SEPTIN7: variants seen among roughly 807,000 people sequenced by gnomAD.
The protein encoded by SEPTIN7 is septin 7.
SEPTIN7 carries 10 observed loss-of-function variants against 63.3 expected under a neutral mutation model. The observed-to-expected ratio is 0.16, with a 90% CI of 0.10 to 0.27. The LOEUF is 0.27. SEPTIN7 is among the 10% of genes least tolerant of loss of function. The pLI is 1.00. For synonymous variants in SEPTIN7, 131 were observed against 165.3 expected, an observed-to-expected ratio of 0.79 and a Z score of 1.59; for missense variants, 310 against 521.0, an observed-to-expected ratio of 0.59 and a Z score of 3.94.
intron 1 of SEPTIN7, among the ~76,000 whole-genome samples, chr7:35,826,860 A>G (rs2115840150): frequency 6.6e-6 from 1 of 152,300 alleles, no homozygotes; most frequent in South Asian, 2.1e-4. Flanking sequence ...TTAGATAGCA[A>G]GATTTGGGTA....
downstream of SEPTIN7, among the ~76,000 whole-genome samples, chr7:35,909,387 A>T (rs1340448738): frequency 6.6e-6 from 1 of 152,164 alleles, no homozygotes; most frequent in African/African-American, 2.4e-5. Context: ...GGAAGATGGA[A>T]TGGAGGCCGC....
intron 4 of SEPTIN7, among the ~76,000 whole-genome samples, chr7:35,865,398 T>C (rs368547451): frequency 1.3e-5 from 2 of 152,320 alleles, no homozygotes; most frequent in Admixed American, 6.5e-5. Context: ...TACATACATA[T>C]ACTTTTTTAT....
chr7:35,808,784 A>G (rs1788517014), intron 1 of SEPTIN7, among the ~76,000 whole-genome samples: 1 of 152,224 alleles, frequency 6.6e-6, no homozygotes, highest in South Asian at 2.1e-4. Flanking sequence ...CATTAAGACC[A>G]TAGCATATGG....
intron 3 of SEPTIN7, among the ~76,000 whole-genome samples, chr7:35,857,968 A>G (rs1785291082): frequency 6.6e-6 from 1 of 151,920 alleles, no homozygotes. Flanking sequence ...TTTGGGACAG[A>G]GTCTTGCTCT....
chr7:35,901,820 C>CTA (rs1208015753), intron 12 of SEPTIN7: 1 of 152,010 alleles, frequency 6.6e-6, no homozygotes, highest in African/African-American at 2.4e-5. Flanking sequence ...AAAAAAATAA[C>CTA]TAGAGACATT....
intron 11 of SEPTIN7, among the ~76,000 whole-genome samples, chr7:35,891,165 G>T (rs764929740): frequency 6.6e-6 from 1 of 152,138 alleles, no homozygotes; most frequent in Non-Finnish European, 1.5e-5. Context: ...GCTTTGCCCT[G>T]TTGAGCTTAT....
chr7:35,874,215 C>T (rs1583601229), intron 6 of SEPTIN7: 1 of 156,694 alleles, frequency 6.4e-6, no homozygotes, highest in African/African-American at 2.4e-5. Flanking sequence ...TTTCTTGTGC[C>T]ATTTCTTTCT....
chr7:35,841,562 G>A (rs1784408853), intron 3 of SEPTIN7, among the ~76,000 whole-genome samples: 2 of 152,206 alleles, frequency 1.3e-5, no homozygotes, highest in Admixed American at 1.3e-4. Context: ...GTCAGACCTA[G>A]AGAAACTGTT....
chr7:35,809,372 C>G (rs1788555848), intron 1 of SEPTIN7, among the ~76,000 whole-genome samples: 1 of 152,184 alleles, frequency 6.6e-6, no homozygotes, highest in Admixed American at 6.5e-5. Flanking sequence ...ATGACAAATC[C>G]TTAGCATGAT....
intron 1 of SEPTIN7, chr7:35,815,162 C>A: frequency 2.2e-6 from 1 of 445,414 alleles, no homozygotes; most frequent in South Asian, 1.6e-5. Flanking sequence ...TCTTTACTTT[C>A]TAGTTCATCT....
chr7:35,915,134 T>A, the SEPTIN7 span, among the ~76,000 whole-genome samples: 3 of 132,976 alleles, frequency 2.3e-5, no homozygotes, highest in Non-Finnish European at 5.0e-5. Flanking sequence ...TATATATACA[T>A]GCATATACAC....
chr7:35,897,579 T>C (rs1030464146), intron 11 of SEPTIN7, among the ~76,000 whole-genome samples: 5 of 152,214 alleles, frequency 3.3e-5, no homozygotes, highest in African/African-American at 4.8e-5. Context: ...TAACAAAATA[T>C]TTGCTTCTGA....
chr7:35,846,079 G>A (rs561830825), intron 3 of SEPTIN7, among the ~76,000 whole-genome samples: 1 of 152,118 alleles, frequency 6.6e-6, no homozygotes, highest in South Asian at 2.1e-4. Context: ...GGAAGTATAT[G>A]GCATTTTAAG....
the SEPTIN7 span, among the ~76,000 whole-genome samples, chr7:35,913,405 C>A: frequency 3.0e-3 from 456 of 149,792 alleles, 6 homozygotes; most frequent in African/African-American, 0.011. Flanking sequence ...TTCTTTCTTT[C>A]TCTTTCTTTC....
chr7:35,844,890 C>T (rs1375595394), intron 3 of SEPTIN7, among the ~76,000 whole-genome samples: 5 of 152,140 alleles, frequency 3.3e-5, no homozygotes, highest in Non-Finnish European at 7.3e-5. Context: ...TGCTCCAAAC[C>T]TTACCTTGTC....
At chr7:35,822,991 G>C (rs531678874) in intron 1 of SEPTIN7, among the ~76,000 whole-genome samples, 1 of 152,112 alleles carries the variant, frequency 6.6e-6, no homozygotes, top group East Asian at 1.9e-4. Context: ...TCAGTTTCTT[G>C]ACTGTGCTTG....
chr7:35,867,832 C>CTG (rs1785909988), intron 4 of SEPTIN7, among the ~76,000 whole-genome samples: 1 of 151,258 alleles, frequency 6.6e-6, no homozygotes, highest in South Asian at 2.1e-4. Context: ...TTGGAAACTA[C>CTG]GCTGCTCCCC....
chr7:35,810,917 C>G (rs1788664116), intron 1 of SEPTIN7, among the ~76,000 whole-genome samples: 1 of 152,078 alleles, frequency 6.6e-6, no homozygotes, highest in African/African-American at 2.4e-5. Context: ...CAGGCACATG[C>G]CACCACGCCT....
At chr7:35,826,991 G>A (rs1187760758) in intron 1 of SEPTIN7, among the ~76,000 whole-genome samples, 1 of 152,136 alleles carries the variant, frequency 6.6e-6, no homozygotes, top group East Asian at 1.9e-4. Context: ...CTGAACTAAT[G>A]TAACCTTAGA....
Sources: gnomAD v4.1 joint callset for allele counts (sites outside exome capture counted in the v4.1 genomes callset) on GRCh38, gnomAD v4.1.1 for gene constraint, MANE v1.5 for transcripts, NCBI Gene and HGNC (gene_info 2026-07-23, HGNC 2026-07-21) for gene names.